Variants in AP4E1 observed in about 807,000 individuals in gnomAD.
The protein encoded by AP4E1 is AP-4 complex subunit epsilon-1.
Under a neutral mutation model 128.2 loss-of-function variants are expected in AP4E1, and 56 were observed. The ratio of observed to expected loss-of-function variants is 0.44; its 90% CI spans 0.35 to 0.55. The LOEUF is 0.55. Ranked by LOEUF, AP4E1 falls within the 20% of genes least tolerant of loss-of-function variation. The pLI, the probability that AP4E1 is intolerant of heterozygous loss-of-function variation, is 0.00. For synonymous variants in AP4E1, 484 were observed against 473.1 expected (o/e 1.02, Z -0.30); for missense variants, 1,324 against 1,307.7 (o/e 1.01, Z -0.19).
chr15:50,957,054 G>A (rs1244582281), intron 13 of AP4E1, among the ~76,000 whole-genome samples: 1 of 152,160 alleles, frequency 6.6e-6, no homozygotes, highest in Admixed American at 6.5e-5. Flanking sequence ...GCCCCATTGA[G>A]CATGTTACAG....
chr15:50,964,791 C>T (rs990988772), intron 14 of AP4E1, among the ~76,000 whole-genome samples: 2 of 151,950 alleles, frequency 1.3e-5, no homozygotes, highest in South Asian at 2.1e-4. Flanking sequence ...TTGGATCTCC[C>T]GCCCAAATCT....
intron 15 of AP4E1, among the ~76,000 whole-genome samples, chr15:50,982,785 T>C (rs140655398): frequency 3.0e-4 from 46 of 152,346 alleles, no homozygotes; most frequent in African/African-American, 1.1e-3. Context: ...TAGGTGATAT[T>C]TCCTTTGGAG....
rs1279164896 is a variant in AP4E1, at chr15:50,930,850, A to G, written c.748A>G (p.Ile250Val). 6.2e-7 allele frequency: 1 copy of G among 1,614,140 alleles called. No individual in the cohort carries two copies. Among genetic ancestry groups the G allele is most frequent in the Admixed American group, 1.7e-5 (1 of 60,016 alleles). The change falls in exon 7 of 21, where the codon ATT becomes GTT. Residue 250 changes from isoleucine to valine, a missense_variant. By Grantham distance (29) the Ile-to-Val change is conservative. Transcript: ENST00000261842. ...YKDLTGSFVT[I>V]LKQVVGGKLP... ...AGACTTGACTGGGAGTTTTGTAACCATTTTGAAGCAAGTAGTTGGAGGAAA... is the reference window on the plus strand; with the variant it reads ...AGACTTGACTGGGAGTTTTGTAACCGTTTTGAAGCAAGTAGTTGGAGGAAA...
At chr15:50,908,434 G>T, upstream of AP4E1, 1 of 209,350 alleles carries the variant, frequency 4.8e-6, no homozygotes. Context: ...GTGGGAAAGG[G>T]GGACTCTGGG....
At chr15:50,975,369 C>T (rs776505714) in intron 15 of AP4E1, among the ~76,000 whole-genome samples, 2 of 152,188 alleles carry the variant, frequency 1.3e-5, no homozygotes, top group Admixed American at 6.6e-5. Flanking sequence ...TGTACCATTG[C>T]ACTCCAGCCT....
chr15:50,999,360 T>C lies in AP4E1; in HGVS notation c.3095+98T>C, dbSNP rs373879878. 19 of 1,054,562 alleles carry C rather than the reference T, an allele frequency of 1.8e-5. No homozygotes were observed. In the South Asian group the frequency reaches 2.3e-4, roughly 13 times the overall value. The allele number at this position is 1,054,562 out of a possible 1,614,324, so 65.3% of individuals were successfully genotyped here. On this transcript the variant is annotated intron_variant, in intron 19 of 20. Transcript: ENST00000261842. Reference sequence around the variant, plus strand: ...AGGCACTATGTTGGGTGCTAGGGAGTATAACAGTTAAAAACTACGCACAGT... The same window carrying C: ...AGGCACTATGTTGGGTGCTAGGGAGCATAACAGTTAAAAACTACGCACAGT...
chr15:50,961,265 G>T (rs1168725988), intron 14 of AP4E1, among the ~76,000 whole-genome samples: 2 of 151,824 alleles, frequency 1.3e-5, no homozygotes, highest in Non-Finnish European at 1.5e-5. Flanking sequence ...TATATGGCCA[G>T]CATTACCCTG....
intron 8 of AP4E1, among the ~76,000 whole-genome samples, chr15:50,937,590 T>C (rs935656158): frequency 5.3e-5 from 8 of 152,190 alleles, no homozygotes; most frequent in African/African-American, 1.9e-4. Context: ...AAGGGATGGT[T>C]CAGGGAAATA....
At position 51,003,019 on chromosome 15, in the gene AP4E1, A is replaced by T. The variant is rs2064982971; in HGVS notation, c.*357A>T. 4.7e-6 allele frequency: 1 copy of T among 214,038 alleles called. No homozygotes were observed. Among genetic ancestry groups the T allele is most frequent in the South Asian group, 7.4e-5 (1 of 13,598 alleles). 13.3% of individuals were successfully genotyped at this position (214,038 alleles called of 1,614,324 possible). On this transcript the variant is annotated 3_prime_UTR_variant, in exon 21 of 21. Transcript: ENST00000261842. ...TGCTAGCTAATTTGTAATAAAGCCA[A>T]GTCTCAGTTTTCTGCATTAAATGGA...
intron 10 of AP4E1, among the ~76,000 whole-genome samples, chr15:50,943,491 A>G (rs1055473868): frequency 6.6e-6 from 1 of 152,158 alleles, no homozygotes; most frequent in Non-Finnish European, 1.5e-5. Context: ...CAGATGTACT[A>G]ATTTCTGCGT....
chr15:50,924,072 C>G, intron 4 of AP4E1, 68 bp downstream of exon 4: 1 of 1,289,180 alleles, frequency 7.8e-7, no homozygotes, highest in Non-Finnish European at 1.1e-6. Flanking sequence ...TCTCCTCGAT[C>G]ATATTCAACT....
chr15:50,979,515 A>G (rs540386398), intron 15 of AP4E1, among the ~76,000 whole-genome samples: 2 of 152,048 alleles, frequency 1.3e-5, no homozygotes, highest in Non-Finnish European at 2.9e-5. Flanking sequence ...AATGAGCCAA[A>G]TAAATTTCTT....
intron 15 of AP4E1, among the ~76,000 whole-genome samples, chr15:50,978,158 A>G (rs557482963): frequency 1.3e-5 from 2 of 152,318 alleles, no homozygotes; most frequent in South Asian, 4.1e-4. Context: ...ATTAGCAAAA[A>G]TAGGTGAGAT....
At chr15:50,941,588 A>C (rs761438366) in intron 9 of AP4E1, 24 bp downstream of exon 9, 2 of 1,612,614 alleles carry the variant, frequency 1.2e-6, no homozygotes, top group Non-Finnish European at 1.7e-6. Flanking sequence ...TTCTTTTGAC[A>C]GAAATTACAG....
At chr15:50,926,633 C>T (rs1183473338) in intron 5 of AP4E1, among the ~76,000 whole-genome samples, 1 of 150,228 alleles carries the variant, frequency 6.7e-6, no homozygotes, top group East Asian at 1.9e-4. Flanking sequence ...GAGTCTTGCT[C>T]GGTCGCCCAG....
chr15:50,951,517 T>C (rs1045544176), intron 13 of AP4E1, among the ~76,000 whole-genome samples: 3 of 152,144 alleles, frequency 2.0e-5, no homozygotes, highest in East Asian at 1.9e-4. Context: ...TTCTTGTGCA[T>C]ATAGGTGAGT....
chr15:50,983,750 G>GTT (rs912454142), intron 15 of AP4E1, among the ~76,000 whole-genome samples: 1 of 151,080 alleles, frequency 6.6e-6, no homozygotes, highest in Non-Finnish European at 1.5e-5. Flanking sequence ...TCCTAATTGA[G>GTT]TTTTTTTTTA....
chr15:50,959,707 A>G (rs1329914910), intron 14 of AP4E1, among the ~76,000 whole-genome samples: 2 of 152,238 alleles, frequency 1.3e-5, no homozygotes, highest in Non-Finnish European at 2.9e-5. Context: ...CCATCCAGCT[A>G]AACAATGAAA....
rs370772811 is a variant in AP4E1 at position 50,929,138 on chromosome 15, C to T, written c.672C>T (p.Ala224=). ...LCDRDVGVMA[A]SLHIYLRMIK... is the part of the protein sequence containing the mutation. ...ACAGAGATGTTGGGGTCATGGCTGCCTCCTTGCATATATATCTTAGAATGA... is the reference window on the plus strand; with the variant it reads ...ACAGAGATGTTGGGGTCATGGCTGCTTCCTTGCATATATATCTTAGAATGA... The change falls in exon 6 of 21, where the codon GCC becomes GCT. Residue 224 remains alanine (A), a synonymous_variant. Coordinates refer to ENST00000261842, the MANE Select transcript of AP4E1 (RefSeq NM_007347.5). The T allele has an allele frequency of 6.8e-6, 11 of 1,613,672 alleles. No homozygotes were observed. The highest frequency in any genetic ancestry group is 1.3e-5 in the African/African-American group (1 of 74,892).
Sources: gnomAD v4.1 joint callset for allele counts (sites outside exome capture counted in the v4.1 genomes callset) on GRCh38, gnomAD v4.1.1 for gene constraint, MANE v1.5 for transcripts, NCBI Gene and HGNC (gene_info 2026-07-23, HGNC 2026-07-21) for gene names.